Variants in ADCY5 observed in about 807,000 individuals in gnomAD.
The protein encoded by ADCY5 is adenylate cyclase 5.
A neutral mutation model predicts 119.7 loss-of-function variants in ADCY5; 30 were observed. That is an observed-to-expected ratio of 0.25 (90% CI 0.19 to 0.34). The LOEUF is 0.34. ADCY5 is among the 10% of genes least tolerant of loss of function. The pLI, the probability that ADCY5 is intolerant of heterozygous loss-of-function variation, is 1.00. For synonymous variants in ADCY5, 753 were observed against 762.2 expected, an observed-to-expected ratio of 0.99 and a Z score of 0.20; for missense variants, 1,324 against 1,775.2, an observed-to-expected ratio of 0.75 and a Z score of 4.57.
intron 1 of ADCY5, among the ~76,000 whole-genome samples, chr3:123,381,596 T>A (rs980833526): frequency 1.3e-5 from 2 of 152,246 alleles, no homozygotes; most frequent in African/African-American, 4.8e-5. Context: ...CTGAGTTTAA[T>A]ACTCTGTTGT....
intron 8 of ADCY5, among the ~76,000 whole-genome samples, chr3:123,324,542 G>A (rs1363555473): frequency 1.3e-5 from 2 of 151,970 alleles, no homozygotes; most frequent in Non-Finnish European, 1.5e-5. Flanking sequence ...CCCCCGAGCT[G>A]AGCAGCATGC....
At chr3:123,368,804 T>G (rs981948976) in intron 1 of ADCY5, among the ~76,000 whole-genome samples, 1 of 151,626 alleles carries the variant, frequency 6.6e-6, no homozygotes, top group African/African-American at 2.4e-5. Flanking sequence ...CTCACTGTTG[T>G]GTCCCTATTA....
intron 1 of ADCY5, among the ~76,000 whole-genome samples, chr3:123,364,142 C>CT (rs2107512046): frequency 6.6e-6 from 1 of 151,996 alleles, no homozygotes; most frequent in South Asian, 2.1e-4. Context: ...ATGATAAGTG[C>CT]TTTTTTACTT....
intron 1 of ADCY5, among the ~76,000 whole-genome samples, chr3:123,383,961 C>CGT (rs59641036): frequency 0.47 from 70,311 of 149,956 alleles, 17,278 homozygotes; most frequent in East Asian, 0.67. Flanking sequence ...AAGGCACGTG[C>CGT]GCGCGCGCAC....
intron 1 of ADCY5, among the ~76,000 whole-genome samples, chr3:123,368,824 G>A (rs1052811195): frequency 2.0e-5 from 3 of 151,708 alleles, no homozygotes; most frequent in African/African-American, 7.3e-5. Context: ...ATCCAGGACA[G>A]AGGCTAACAC....
intron 14 of ADCY5, among the ~76,000 whole-genome samples, chr3:123,301,727 G>A (rs1433833379): frequency 6.6e-6 from 1 of 152,252 alleles, no homozygotes; most frequent in Non-Finnish European, 1.5e-5. Context: ...CCACCAAGGG[G>A]CAAGTACGAG....
At chr3:123,293,069 G>A (rs924662528) in intron 17 of ADCY5, among the ~76,000 whole-genome samples, 3 of 152,206 alleles carry the variant, frequency 2.0e-5, no homozygotes, top group African/African-American at 7.2e-5. Flanking sequence ...GCCTGACAAT[G>A]CAGCCAACTA....
At chr3:123,350,116 G>A (rs759235230) in intron 2 of ADCY5, among the ~76,000 whole-genome samples, 99 of 152,282 alleles carry the variant, frequency 6.5e-4, no homozygotes, top group Non-Finnish European at 1.2e-3. Context: ...CTCCTCAGCT[G>A]GCATCACCCT....
chr3:123,312,227 G>T (rs1171057759), intron 12 of ADCY5, among the ~76,000 whole-genome samples: 11 of 152,214 alleles, frequency 7.2e-5, no homozygotes, highest in Non-Finnish European at 1.3e-4. Flanking sequence ...GCGCAGCTTT[G>T]ATTCTGATTT....
intron 8 of ADCY5, among the ~76,000 whole-genome samples, chr3:123,320,985 G>A (rs914738364): frequency 1.3e-5 from 2 of 152,100 alleles, no homozygotes; most frequent in Non-Finnish European, 2.9e-5. Context: ...GCTAGACGCC[G>A]GGGATGCCCT....
At chr3:123,301,272 C>A (rs1939832142) in intron 14 of ADCY5, among the ~76,000 whole-genome samples, 1 of 152,212 alleles carries the variant, frequency 6.6e-6, no homozygotes, top group Non-Finnish European at 1.5e-5. Flanking sequence ...TGGGCTGGGG[C>A]AGCCCCTAGG....
Position 123,448,522 on chromosome 3 carries a change from G to A in ADCY5, c.24C>T (p.Ser8=). The change falls in exon 1 of 21, where the codon AGC becomes AGT. Residue 8 remains serine (S), a synonymous_variant. Transcript: ENST00000462833. MSGSKSV[S]PPGYAAQKTA... ...TCTTCTGCGCCGCGTAGCCCGGGGG[G>A]CTCACGCTTTTGGAGCCGGACATCC... 3.9e-6 allele frequency: 5 copies of A among 1,265,940 alleles called. No homozygotes were observed. The highest frequency in any genetic ancestry group is 5.0e-6 in the Non-Finnish European group (5 of 1,007,158). 78.4% of individuals were successfully genotyped at this position (1,265,940 alleles called of 1,614,324 possible). A position where few individuals can be genotyped will look rare whatever the true frequency, so the allele number is the denominator to read the frequency against.
At position 123,396,660 on chromosome 3, in the gene ADCY5, GGGAAAGAC is replaced by G. The variant is rs1479074174; in HGVS notation, c.1135-44087_1135-44080del. On this transcript the variant is annotated intron_variant, in intron 1 of 20. Transcript: ENST00000462833. ...GGAAGGAGACAGAAAGAGAGAGAGA[GGGAAAGAC>G]GGAAAATAAGAACAAAAGAAAGAGA... is the stretch of plus-strand genomic sequence containing the variant. Among the ~76,000 whole-genome samples, 126 of 144,486 alleles carry G rather than the reference GGGAAAGAC, an allele frequency of 8.7e-4. 2 individuals are homozygous for G. Among genetic ancestry groups the G allele is most frequent in the African/African-American group, 3.1e-3 (121 of 38,434 alleles). 94.8% of individuals were successfully genotyped at this position (144,486 alleles called of 152,430 possible). A position where few individuals can be genotyped will look rare whatever the true frequency, so the allele number is the denominator to read the frequency against.
At chr3:123,328,227 C>G (rs184223127) in intron 6 of ADCY5, among the ~76,000 whole-genome samples, 29 of 152,326 alleles carry the variant, frequency 1.9e-4, no homozygotes, top group Non-Finnish European at 3.8e-4. Flanking sequence ...CTGTGCCTTG[C>G]CTCGCTGTGT....
intron 17 of ADCY5, 92 bp downstream of exon 17, chr3:123,295,992 C>CCGG: frequency 6.5e-7 from 1 of 1,546,708 alleles, no homozygotes; most frequent in Non-Finnish European, 8.8e-7. Context: ...AGACGAAGGC[C>CCGG]CGGCTTGGCC....
At position 123,301,439 on chromosome 3, in the gene ADCY5, C is replaced by CCAGAGCCT. The variant is rs1408357389; in HGVS notation, c.2725-1152_2725-1145dup. On this transcript the variant is annotated intron_variant, in intron 14 of 20. Transcript: ENST00000462833. ...TGCCCAGATGAGTCAGCTCAGAGCCCCAGAGCCTCAGTCTTTGGGAGGAGG... is the reference window on the plus strand; with the variant it reads ...TGCCCAGATGAGTCAGCTCAGAGCCCCAGAGCCTCAGAGCCTCAGTCTTTGGGAGGAGG... 7.2e-5 allele frequency among the ~76,000 whole-genome samples: 11 copies of CCAGAGCCT among 152,268 alleles called. No homozygotes were observed. The East Asian group carries it at 2.1e-3, about 30-fold the overall frequency.
chr3:123,447,649 G>A lies in ADCY5; in HGVS notation c.897C>T (p.Gly299=). 1 of 1,608,484 alleles carries A rather than the reference G, an allele frequency of 6.2e-7. No individual in the cohort carries two copies. Reference sequence around the variant, plus strand: ...CGGCGATGAGCGCATAGCAGGCCAGGCCCATGTGGTCCTGGTGGAAGGCGG... The same window carrying A: ...CGGCGATGAGCGCATAGCAGGCCAGACCCATGTGGTCCTGGTGGAAGGCGG... ...NRAAFHQDHM[G]LACYALIAVV... is the part of the protein sequence containing the mutation. The change falls in exon 1 of 21, where the codon GGC becomes GGT. Residue 299 remains glycine (G), a synonymous_variant. Transcript: ENST00000462833.
chr3:123,308,273 G>A (rs948219754), intron 12 of ADCY5, among the ~76,000 whole-genome samples: 1 of 151,520 alleles, frequency 6.6e-6, no homozygotes, highest in African/African-American at 2.4e-5. Flanking sequence ...TGCTGACCTC[G>A]TGATCCGCCC....
intron 1 of ADCY5, among the ~76,000 whole-genome samples, chr3:123,383,291 G>C (rs1042629815): frequency 4.6e-5 from 7 of 152,200 alleles, no homozygotes; most frequent in African/African-American, 1.4e-4. Flanking sequence ...GTGTCAGAAA[G>C]GGAGGGAGGA....
Sources: allele counts gnomAD v4.1 joint callset (sites outside exome capture counted in the v4.1 genomes callset), GRCh38; gene constraint gnomAD v4.1.1; transcripts MANE v1.5; gene names NCBI Gene and HGNC (gene_info 2026-07-23, HGNC 2026-07-21).